The following CELF2 variants were observed in gnomAD, a reference collection of about 807,000 sequenced individuals.
CELF2 encodes CUGBP Elav-like family member 2.
In CELF2, 8 loss-of-function variants were observed where a neutral mutation model predicts 62.6. The observed-to-expected ratio is 0.13, with a 90% CI of 0.07 to 0.23. The LOEUF is 0.23. CELF2 is among the 10% of genes least tolerant of loss of function. The pLI, the probability that CELF2 is intolerant of heterozygous loss-of-function variation, is 1.00. For missense variants in CELF2, 333 were observed against 671.0 expected, an observed-to-expected ratio of 0.50 and a Z score of 5.56; for synonymous variants, 258 against 250.0, an observed-to-expected ratio of 1.03 and a Z score of -0.30.
the CELF2 span, among the ~76,000 whole-genome samples, chr10:10,689,606 C>A: frequency 6.6e-6 from 1 of 152,188 alleles, no homozygotes; most frequent in Non-Finnish European, 1.5e-5. Flanking sequence ...CAAGATTACT[C>A]ATGGATAGTT....
rs971094000 is a variant in CELF2, at chr10:11,156,789, A to G, written c.75-8697A>G. Reference sequence around the variant, plus strand: ...AGGCCAGAGCAAGCAGCCAGTCCGCATTACACGCATGTTCTGTGTGCAGCA... The same window carrying G: ...AGGCCAGAGCAAGCAGCCAGTCCGCGTTACACGCATGTTCTGTGTGCAGCA... On this transcript the variant is annotated intron_variant, in intron 1 of 12. Transcript: ENST00000633077. This position sits in a 1 kb window ranked among gnomAD's most constrained non-coding sequence, Gnocchi z 4.3. 6.6e-6 allele frequency among the ~76,000 whole-genome samples: 1 copy of G among 152,170 alleles called. No homozygotes were observed. The highest frequency in any genetic ancestry group is 1.5e-5 in the Non-Finnish European group (1 of 68,036).
At chr10:10,703,287 A>T in the CELF2 span, among the ~76,000 whole-genome samples, 1 of 152,136 alleles carries the variant, frequency 6.6e-6, no homozygotes, top group Non-Finnish European at 1.5e-5. Flanking sequence ...GAGTTGGGAG[A>T]TTAATTAAAT....
At position 11,247,737 on chromosome 10, in the gene CELF2, A is replaced by G. The variant is rs1042733252; in HGVS notation, c.355-1416A>G. On this transcript the variant is annotated intron_variant, in intron 3 of 12. Coordinates refer to ENST00000633077, the MANE Select transcript of CELF2 (RefSeq NM_001326342.2). The surrounding 1 kb of genome is among the most constrained non-coding windows in gnomAD (Gnocchi z 5.4). ...CCATACCTGCTGGACAACCAGACAG[A>G]TGCATGCTGGGAGGATCGCTTGCTC... Among the ~76,000 whole-genome samples the G allele has an allele frequency of 6.6e-6, 1 of 152,162 alleles. No individual in the cohort carries two copies. Among genetic ancestry groups the G allele is most frequent in the African/African-American group, 2.4e-5 (1 of 41,440 alleles).
At chr10:10,904,740 T>C (rs777172839) in intron 1 of CELF2, among the ~76,000 whole-genome samples, 16 of 152,228 alleles carry the variant, frequency 1.1e-4, no homozygotes, top group Non-Finnish European at 1.8e-4. Flanking sequence ...CCCATACTCC[T>C]GAGAAATACA....
intron 3 of CELF2, among the ~76,000 whole-genome samples, chr10:11,241,374 A>G (rs1394595842): frequency 3.3e-5 from 5 of 152,016 alleles, no homozygotes; most frequent in Non-Finnish European, 7.4e-5. Context: ...TAATTTTTGT[A>G]TTTTTAGTAG....
the CELF2 span, among the ~76,000 whole-genome samples, chr10:10,551,620 A>G: frequency 1.3e-5 from 2 of 152,128 alleles, no homozygotes; most frequent in South Asian, 2.1e-4. Flanking sequence ...TGGGAGCTCT[A>G]TTGATTTTAA....
the CELF2 span, among the ~76,000 whole-genome samples, chr10:10,475,475 T>G: frequency 3.9e-5 from 1 of 25,690 alleles, no homozygotes; most frequent in Non-Finnish European, 7.7e-5. Context: ...GCTTGGCCAC[T>G]CAAAAAAAAA....
chr10:11,160,098 A>G (rs909600612), intron 1 of CELF2, among the ~76,000 whole-genome samples: 1 of 152,256 alleles, frequency 6.6e-6, no homozygotes, highest in African/African-American at 2.4e-5. Context: ...CAGGCAAGGA[A>G]TCACAACAAG....
rs546944481 is a variant in CELF2 at position 11,293,072 on chromosome 10, G to A, written c.976+4520G>A. ...TTCAGGGTCCACCTGGACCACCTCC[G>A]CCCTTCCATCCAGAATCCAGCCAGC... On this transcript the variant is annotated intron_variant, in intron 9 of 12. Transcript: ENST00000633077. 5.9e-5 allele frequency among the ~76,000 whole-genome samples: 9 copies of A among 152,254 alleles called. No homozygotes were observed. The South Asian group carries it at 6.2e-4, about 11-fold the overall frequency.
the CELF2 span, among the ~76,000 whole-genome samples, chr10:10,517,819 G>C: frequency 6.6e-6 from 1 of 152,194 alleles, no homozygotes; most frequent in Non-Finnish European, 1.5e-5. Context: ...ATGTGGGAGA[G>C]GTTTGCTCTT....
rs192034640 is a variant in CELF2, at chr10:10,964,268, G to A, written c.89+44269G>A. ...TCAGCATGGTGTTAAGGGTGAATTC[G>A]ATCATGCTTCTAAAAGTGTTTATGT... On this transcript the variant is annotated intron_variant, in intron 2 of 13. Coordinates refer to the CELF2 transcript ENST00000636488. Among the ~76,000 whole-genome samples the A allele has an allele frequency of 8.5e-5, 13 of 152,188 alleles. No individual in the cohort carries two copies. In the South Asian group the frequency reaches 1.2e-3, roughly 15 times the overall value.
chr10:10,790,127 C>T, the CELF2 span, among the ~76,000 whole-genome samples: 1 of 152,170 alleles, frequency 6.6e-6, no homozygotes, highest in African/African-American at 2.4e-5. Context: ...CTTTTTACCT[C>T]CACAGCGTTC....
intron 1 of CELF2, among the ~76,000 whole-genome samples, chr10:10,859,585 T>C (rs2059939469): frequency 6.6e-6 from 1 of 152,200 alleles, no homozygotes; most frequent in African/African-American, 2.4e-5. Flanking sequence ...TTCCTGTTGA[T>C]CTGTCATCCT....
At chr10:10,504,502 T>C in the CELF2 span, among the ~76,000 whole-genome samples, 9 of 152,152 alleles carry the variant, frequency 5.9e-5, no homozygotes, top group Admixed American at 3.9e-4. Flanking sequence ...TTATCTTTCA[T>C]TTTCAGAAGC....
chr10:10,667,094 A>G, the CELF2 span, among the ~76,000 whole-genome samples: 13 of 152,282 alleles, frequency 8.5e-5, no homozygotes, highest in East Asian at 1.4e-3. Context: ...CGGGCAATCC[A>G]AAAGGTTCCT....
At chr10:11,018,231 G>C (rs961041430) in intron 1 of CELF2, 68 bp downstream of exon 1, 2 of 1,378,226 alleles carry the variant, frequency 1.5e-6, no homozygotes, top group Non-Finnish European at 9.7e-7. Context: ...GGCGCGAAGG[G>C]GACGGGCGTC....
chr10:11,185,216 C>T (rs2074534437), intron 2 of CELF2, among the ~76,000 whole-genome samples: 1 of 151,874 alleles, frequency 6.6e-6, no homozygotes, highest in South Asian at 2.1e-4. Context: ...GCTCTGTTGC[C>T]CATGCTACAG....
At chr10:10,599,004 G>A in the CELF2 span, among the ~76,000 whole-genome samples, 3 of 151,570 alleles carry the variant, frequency 2.0e-5, no homozygotes, top group Non-Finnish European at 4.4e-5. Context: ...CACCCTCCTC[G>A]GCCTCCCAAA....
chr10:11,297,295 C>T lies in CELF2; in HGVS notation c.976+8743C>T, dbSNP rs759847913. On this transcript the variant is annotated intron_variant, in intron 9 of 12. Transcript: ENST00000633077. The surrounding 1 kb of genome is among the most constrained non-coding windows in gnomAD (Gnocchi z 4.4). ...TTGGATGTGTGACCATCAGGCTGAC[C>T]AGAGCCGGGAGCTGCAGAGTGGATT... Among the ~76,000 whole-genome samples the T allele has an allele frequency of 6.6e-6, 1 of 152,108 alleles. No homozygotes were observed. The highest frequency in any genetic ancestry group is 1.5e-5 in the Non-Finnish European group (1 of 68,016).
Sources: gnomAD v4.1 joint callset for allele counts (sites outside exome capture counted in the v4.1 genomes callset) on GRCh38, gnomAD v4.1.1 for gene constraint, Gnocchi (gnomAD v3.1) non-coding constraint, MANE v1.5 for transcripts, NCBI Gene and HGNC (gene_info 2026-07-23, HGNC 2026-07-21) for gene names.